AGBL3: variants seen among roughly 807,000 people sequenced by gnomAD.
AGBL3 encodes cytosolic carboxypeptidase 3.
In AGBL3, 68 loss-of-function variants were observed where a neutral mutation model predicts 94.5. The ratio of observed to expected loss-of-function variants is 0.72; its 90% CI spans 0.59 to 0.88. AGBL3 has a LOEUF of 0.88. Ranked by LOEUF, AGBL3 falls within the 40% of genes least tolerant of loss-of-function variation. The pLI, the probability that AGBL3 is intolerant of heterozygous loss-of-function variation, is 0.00. For missense variants in AGBL3, 934 were observed against 1,103.8 expected, an observed-to-expected ratio of 0.85 and a Z score of 2.18; for synonymous variants, 354 against 370.7, an observed-to-expected ratio of 0.95 and a Z score of 0.52.
chr7:134,987,688 TGTCTC>T (rs1809647695), intron 1 of AGBL3, among the ~76,000 whole-genome samples, 182 bp from the exon 2 acceptor site: 1 of 152,240 alleles, frequency 6.6e-6, no homozygotes, highest in South Asian at 2.1e-4. Context: ...TTGTGGTTGT[TGTCTC>T]GTATAGTCAT....
chr7:135,102,006 C>T (rs548263443), intron 15 of AGBL3, among the ~76,000 whole-genome samples: 3 of 152,266 alleles, frequency 2.0e-5, no homozygotes, highest in East Asian at 3.9e-4. Context: ...CCATGTAAGA[C>T]GTGCCTTTTG....
intron 12 of AGBL3, among the ~76,000 whole-genome samples, chr7:135,073,761 T>C (rs989028581): frequency 3.3e-5 from 5 of 151,984 alleles, no homozygotes; most frequent in Admixed American, 6.6e-5. Context: ...CACCGGTAAT[T>C]AGAAAGAAAC....
Position 135,022,699 on chromosome 7 carries a change from A to G in AGBL3, c.418+5540A>G, listed in dbSNP as rs112058487. Among the ~76,000 whole-genome samples the G allele has an allele frequency of 1.3e-3, 198 of 152,130 alleles. 4 individuals are homozygous for G. Among genetic ancestry groups the G allele is most frequent in the African/African-American group, 4.7e-3 (194 of 41,538 alleles). ...ATTTCTCAATTTTAGCTTTTGTTGCAATTGCTTTTGCTCATTTCATTATAA... is the reference window on the plus strand; with the variant it reads ...ATTTCTCAATTTTAGCTTTTGTTGCGATTGCTTTTGCTCATTTCATTATAA... On this transcript the variant is annotated intron_variant, in intron 5 of 16. Coordinates refer to ENST00000436302, the MANE Select transcript of AGBL3 (RefSeq NM_178563.4).
Position 135,135,380 on chromosome 7 carries a change from T to A in AGBL3, c.*119T>A. ...CCCTATCTCTCCCCTTACACATGCA[T>A]ATGCATAAACTAAAAATTTTAGATA... On this transcript the variant is annotated 3_prime_UTR_variant, in exon 17 of 17. Coordinates refer to ENST00000436302, the MANE Select transcript of AGBL3 (RefSeq NM_178563.4). 1.2e-6 allele frequency: 1 copy of A among 844,544 alleles called. No individual in the cohort carries two copies. The highest frequency in any genetic ancestry group is 1.6e-6 in the Non-Finnish European group (1 of 607,782). The allele number at this position is 844,544 out of a possible 1,614,324, so 52.3% of individuals were successfully genotyped here.
chr7:135,066,468 G>A (rs968456335), intron 12 of AGBL3, among the ~76,000 whole-genome samples: 1 of 152,176 alleles, frequency 6.6e-6, no homozygotes, highest in Non-Finnish European at 1.5e-5. Context: ...TTAAAAAATT[G>A]TGTTTGCAAG....
At chr7:135,104,788 T>C (rs1292423459) in intron 15 of AGBL3, among the ~76,000 whole-genome samples, 1 of 151,880 alleles carries the variant, frequency 6.6e-6, no homozygotes, top group African/African-American at 2.4e-5. Flanking sequence ...TTTTTTTTTT[T>C]CTTGTACATT....
chr7:135,049,559 T>C (rs752926215), intron 11 of AGBL3, among the ~76,000 whole-genome samples: 11 of 151,974 alleles, frequency 7.2e-5, no homozygotes, highest in Non-Finnish European at 1.2e-4. Context: ...CTTTCTTTGT[T>C]AAGAGATTTT....
At chr7:135,105,070 G>GTT (rs71172498) in intron 15 of AGBL3, among the ~76,000 whole-genome samples, 65,923 of 127,014 alleles carry the variant, frequency 0.52, 18,755 homozygotes, top group East Asian at 0.94. Context: ...TTACATTCAA[G>GTT]TTTTTTTTTT....
intron 16 of AGBL3, among the ~76,000 whole-genome samples, chr7:135,121,434 T>C (rs79393218): frequency 2.8e-4 from 43 of 151,426 alleles, no homozygotes; most frequent in African/African-American, 9.7e-4. Context: ...TATACCAAGA[T>C]AGAACATATC....
intron 15 of AGBL3, among the ~76,000 whole-genome samples, chr7:135,088,630 T>C (rs1204373244): frequency 6.6e-6 from 1 of 152,184 alleles, no homozygotes; most frequent in Non-Finnish European, 1.5e-5. Context: ...ATCTGAAGGA[T>C]AGCTTTGCTG....
chr7:135,085,555 T>C (rs190944403), intron 15 of AGBL3, among the ~76,000 whole-genome samples: 40 of 152,174 alleles, frequency 2.6e-4, no homozygotes, highest in African/African-American at 9.4e-4. Flanking sequence ...CAGTTTCATT[T>C]TTCTGTGTAT....
chr7:135,097,420 A>C (rs940998133), intron 15 of AGBL3, among the ~76,000 whole-genome samples: 2 of 152,192 alleles, frequency 1.3e-5, no homozygotes, highest in Non-Finnish European at 1.5e-5. Context: ...ATTTTAATGA[A>C]ACCAAAGAAA....
intron 4 of AGBL3, among the ~76,000 whole-genome samples, chr7:135,006,433 A>G (rs1054254549): frequency 6.6e-6 from 1 of 151,908 alleles, no homozygotes; most frequent in African/African-American, 2.4e-5. Flanking sequence ...CTAGCAATGT[A>G]TAGAAAAACT....
intron 6 of AGBL3, among the ~76,000 whole-genome samples, chr7:135,033,790 T>TA (rs1563201758): frequency 6.6e-6 from 1 of 152,122 alleles, no homozygotes; most frequent in African/African-American, 2.4e-5. Flanking sequence ...ATGTCTGAAG[T>TA]AAAAAAAGAA....
At chr7:135,016,675 T>A (rs904026351) in intron 4 of AGBL3, among the ~76,000 whole-genome samples, 3 of 152,070 alleles carry the variant, frequency 2.0e-5, no homozygotes, top group African/African-American at 7.2e-5. Context: ...TTGACAGCCA[T>A]TATCAAGCAA....
intron 16 of AGBL3, among the ~76,000 whole-genome samples, chr7:135,123,204 G>T (rs1827387315): frequency 6.6e-6 from 1 of 152,182 alleles, no homozygotes. Context: ...GAACATAAAT[G>T]ACCTGGTGGA....
intron 11 of AGBL3, among the ~76,000 whole-genome samples, chr7:135,058,345 A>G (rs1818516301): frequency 6.6e-6 from 1 of 152,168 alleles, no homozygotes; most frequent in African/African-American, 2.4e-5. Context: ...TCAAGCAAAA[A>G]AACGTGCCTA....
In AGBL3 at chr7:134,995,271, G is replaced by A. The variant is rs554513898; in HGVS notation, c.310+1593G>A. Reference sequence around the variant, plus strand: ...AAAAGGAAGAGGAAAGCAAGACCCCGTCGGGCCACTGCTTCTCAGTGTCAC... The same window carrying A: ...AAAAGGAAGAGGAAAGCAAGACCCCATCGGGCCACTGCTTCTCAGTGTCAC... On this transcript the variant is annotated intron_variant, in intron 4 of 16. Transcript: ENST00000436302. 8 of 152,310 alleles carry A rather than the reference G, an allele frequency of 5.3e-5. No individual in the cohort carries two copies. In the East Asian group the frequency reaches 5.8e-4, roughly 11 times the overall value. 9.4% of individuals were successfully genotyped at this position (152,310 alleles called of 1,614,324 possible). A position where few individuals can be genotyped will look rare whatever the true frequency, so the allele number is the denominator to read the frequency against.
Position 135,128,995 on chromosome 7 carries a change from G to A in AGBL3, c.2343-5846G>A. On this transcript the variant is annotated intron_variant, in intron 16 of 16. Transcript: ENST00000436302. Reference sequence around the variant, plus strand: ...TTCTTGGAGTGCAGGCATGTGTACTGCAAAGACTGTCTGAAGGACTACTTT... The same window carrying A: ...TTCTTGGAGTGCAGGCATGTGTACTACAAAGACTGTCTGAAGGACTACTTT... 4 of 1,598,024 alleles carry A rather than the reference G, an allele frequency of 2.5e-6. No homozygotes were observed. In the South Asian group the frequency reaches 4.4e-5, roughly 18 times the overall value.
Sources: gnomAD v4.1 joint callset for allele counts (sites outside exome capture counted in the v4.1 genomes callset) on GRCh38, gnomAD v4.1.1 for gene constraint, MANE v1.5 for transcripts, NCBI Gene and HGNC (gene_info 2026-07-23, HGNC 2026-07-21) for gene names.